IGF2BP2: variants seen among roughly 807,000 people sequenced by gnomAD.
IGF2BP2 encodes the protein insulin like growth factor 2 mRNA binding protein 2.
Under a neutral mutation model 75.8 loss-of-function variants are expected in IGF2BP2, and 17 were observed. The observed-to-expected ratio is 0.22, with a 90% CI of 0.15 to 0.34. The LOEUF is 0.34. Ranked by LOEUF, IGF2BP2 falls within the 10% of genes least tolerant of loss-of-function variation. IGF2BP2 has a pLI of 1.00. For synonymous variants in IGF2BP2, 288 were observed against 295.6 expected (o/e 0.97, Z 0.26); for missense variants, 516 against 772.4 (o/e 0.67, Z 3.93).
chr3:185,648,231 C>T (rs186607503), intron 14 of IGF2BP2, among the ~76,000 whole-genome samples: 11 of 152,118 alleles, frequency 7.2e-5, no homozygotes, highest in East Asian at 1.9e-4. Flanking sequence ...CCGAGGCGGG[C>T]GGATCACCTG....
Position 185,689,453 on chromosome 3 carries a change from A to G in IGF2BP2, c.579T>C (p.Asp193=), listed in dbSNP as rs369580066. 12 of 1,613,760 alleles carry G rather than the reference A, an allele frequency of 7.4e-6. No individual in the cohort carries two copies. Among genetic ancestry groups the G allele is most frequent in the Non-Finnish European group, 1.0e-5 (12 of 1,179,888 alleles). ...PGGTSQARQI[D]FPLRILVPTQ... ...TGGGGACCAGGATCCGCAGCGGGAA[A>G]TCAATCTGTCTGGCCTGAGAAGTGC... Residue 193 remains aspartate (D), a synonymous_variant, in exon 6 of 16, where the codon GAT becomes GAC. Transcript: ENST00000382199.
At chr3:185,707,861 A>G (rs1724269484) in intron 2 of IGF2BP2, among the ~76,000 whole-genome samples, 1 of 152,230 alleles carries the variant, frequency 6.6e-6, no homozygotes, top group South Asian at 2.1e-4. Flanking sequence ...TGTGCAATGT[A>G]GAGAAAGAAA....
Position 185,643,374 on chromosome 3 carries a change from G to A in IGF2BP2, c.*2157C>T, listed in dbSNP as rs150853600. ...GTCTTCTCTAGCTTGACATGCAGTC[G>A]ATCCATCCCTCTAGCTCCGAGGTTC... is the stretch of plus-strand genomic sequence containing the variant. On this transcript the variant is annotated 3_prime_UTR_variant, in exon 16 of 16. Coordinates refer to ENST00000382199, the MANE Select transcript of IGF2BP2 (RefSeq NM_006548.6). 2.1e-4 allele frequency among the ~76,000 whole-genome samples: 32 copies of A among 152,278 alleles called. No homozygotes were observed. The highest frequency in any genetic ancestry group is 1.5e-3 in the East Asian group (8 of 5,176).
intron 2 of IGF2BP2, among the ~76,000 whole-genome samples, chr3:185,782,331 T>G (rs1223483676): frequency 6.6e-6 from 1 of 152,180 alleles, no homozygotes; most frequent in Non-Finnish European, 1.5e-5. Flanking sequence ...CACGGCTAAT[T>G]TCTAATATTG....
chr3:185,819,725 T>G (rs1013282344), intron 2 of IGF2BP2, among the ~76,000 whole-genome samples: 43 of 152,096 alleles, frequency 2.8e-4, no homozygotes, highest in African/African-American at 1.0e-3. Flanking sequence ...AATTTCTAAG[T>G]CAACAAATTC....
chr3:185,669,574 A>G (rs58045899), intron 10 of IGF2BP2, among the ~76,000 whole-genome samples: 2,279 of 124,402 alleles, frequency 0.018, 54 homozygotes, highest in African/African-American at 0.052. Context: ...AAAAAAAAAA[A>G]GGGGGGGGGG....
At chr3:185,668,303 T>G (rs1016619221) in intron 10 of IGF2BP2, among the ~76,000 whole-genome samples, 15 of 152,098 alleles carry the variant, frequency 9.9e-5, no homozygotes, top group Non-Finnish European at 1.6e-4. Flanking sequence ...TAATTCACTG[T>G]GTACAGCATA....
intron 2 of IGF2BP2, among the ~76,000 whole-genome samples, chr3:185,716,207 C>T (rs1379966808): frequency 1.3e-5 from 2 of 151,088 alleles, no homozygotes; most frequent in African/African-American, 2.4e-5. Context: ...TTAGTACACA[C>T]GAATAAGGCC....
At chr3:185,709,178 T>C (rs1471022860) in intron 2 of IGF2BP2, among the ~76,000 whole-genome samples, 3 of 152,224 alleles carry the variant, frequency 2.0e-5, no homozygotes, top group Non-Finnish European at 4.4e-5. Flanking sequence ...GTGTGGCACA[T>C]GGTAAATACA....
intron 10 of IGF2BP2, 25 bp from the exon 11 acceptor site, chr3:185,658,434 T>A (rs1259142949): frequency 6.2e-7 from 1 of 1,605,476 alleles, no homozygotes; most frequent in South Asian, 1.1e-5. Flanking sequence ...AAAGAGTCAG[T>A]GGGCGGGTGC....
chr3:185,783,266 T>A (rs767488339), intron 2 of IGF2BP2, among the ~76,000 whole-genome samples: 19 of 152,084 alleles, frequency 1.2e-4, no homozygotes, highest in Non-Finnish European at 2.5e-4. Flanking sequence ...TTACTGAAAA[T>A]AGATTGAAGC....
chr3:185,800,491 C>A (rs1201856573), intron 2 of IGF2BP2, among the ~76,000 whole-genome samples: 1 of 152,100 alleles, frequency 6.6e-6, no homozygotes. Context: ...GTAATCCCTG[C>A]ACTTTGCAAG....
chr3:185,712,879 T>G (rs1725011235), intron 2 of IGF2BP2, among the ~76,000 whole-genome samples: 1 of 152,212 alleles, frequency 6.6e-6, no homozygotes, highest in Non-Finnish European at 1.5e-5. Context: ...ACTCTACTTG[T>G]GTCATGACCC....
At chr3:185,810,141 A>G (rs374980875) in intron 2 of IGF2BP2, among the ~76,000 whole-genome samples, 1 of 152,244 alleles carries the variant, frequency 6.6e-6, no homozygotes, top group East Asian at 1.9e-4. Flanking sequence ...GTGATTACTA[A>G]TGAGTTATTT....
intron 2 of IGF2BP2, among the ~76,000 whole-genome samples, chr3:185,756,184 G>A (rs1307862097): frequency 6.6e-6 from 1 of 152,046 alleles, no homozygotes; most frequent in Non-Finnish European, 1.5e-5. Flanking sequence ...GGGAGTCTGG[G>A]ACCTCCCCCT....
chr3:185,682,347 G>A (rs1464024756), intron 7 of IGF2BP2, among the ~76,000 whole-genome samples: 1 of 152,186 alleles, frequency 6.6e-6, no homozygotes, highest in Admixed American at 6.5e-5. Flanking sequence ...TTGAGGGATA[G>A]TTTGGACCTA....
Position 185,643,268 on chromosome 3 carries a change from C to T in IGF2BP2, c.*2263G>A, listed in dbSNP as rs879775480. Among the ~76,000 whole-genome samples, 7 of 152,284 alleles carry T rather than the reference C, an allele frequency of 4.6e-5. No homozygotes were observed. Among genetic ancestry groups the T allele is most frequent in the Admixed American group, 6.5e-5 (1 of 15,294 alleles). On this transcript the variant is annotated 3_prime_UTR_variant, in exon 16 of 16. Transcript: ENST00000382199. ...GTGAAGTGCCTCTTCCCGGAACTGC[C>T]GGGCATATTATCCTCCCCCTTTCCT... is the stretch of plus-strand genomic sequence containing the variant.
At chr3:185,655,524 T>C (rs138239478) in intron 12 of IGF2BP2, among the ~76,000 whole-genome samples, 1,558 of 152,326 alleles carry the variant, frequency 0.01, 11 homozygotes, top group Non-Finnish European at 0.017. Context: ...AAGTAGAAGG[T>C]TGCTGGAAAA....
At chr3:185,691,322 T>A (rs1484206808) in intron 5 of IGF2BP2, among the ~76,000 whole-genome samples, 2 of 152,162 alleles carry the variant, frequency 1.3e-5, no homozygotes, top group Non-Finnish European at 2.9e-5. Flanking sequence ...GGTCTCGATC[T>A]CCCAGCCTCA....
Sources: allele counts gnomAD v4.1 joint callset (sites outside exome capture counted in the v4.1 genomes callset), GRCh38; gene constraint gnomAD v4.1.1; transcripts MANE v1.5; gene names NCBI Gene and HGNC (gene_info 2026-07-23, HGNC 2026-07-21).